LAMA2: variants seen among roughly 807,000 people sequenced by gnomAD.
LAMA2 encodes laminin subunit alpha 2, also known as laminin subunit alpha-2.
In LAMA2, 269 loss-of-function variants were observed where a neutral mutation model predicts 364.8. The ratio of observed to expected loss-of-function variants is 0.74; its 90% CI spans 0.67 to 0.82. LAMA2 has a LOEUF of 0.82. Ranked by LOEUF, LAMA2 falls within the 40% of genes least tolerant of loss-of-function variation. The probability of loss-of-function intolerance (pLI) is 0.00; values close to 1 mark genes in which losing one functional copy is unlikely to be tolerated. For synonymous variants in LAMA2, 1,379 were observed against 1,370.6 expected (o/e 1.01, Z -0.14); for missense variants, 3,807 against 3,873.2 (o/e 0.98, Z 0.45).
chr6:129,316,259 G>T (rs767110285), intron 27 of LAMA2, 88 bp downstream of exon 27: 8 of 1,096,180 alleles, frequency 7.3e-6, no homozygotes, highest in Non-Finnish European at 1.1e-5. Context: ...AGAAAGATTG[G>T]AAAGTGATTG....
At chr6:129,387,846 G>A (rs1779101427) in intron 35 of LAMA2, among the ~76,000 whole-genome samples, 1 of 152,212 alleles carries the variant, frequency 6.6e-6, no homozygotes, top group Non-Finnish European at 1.5e-5. Context: ...AGTGGGAGTT[G>A]AACAGTGAGA....
intron 12 of LAMA2, among the ~76,000 whole-genome samples, chr6:129,212,936 C>A (rs147586897): frequency 5.9e-5 from 9 of 152,280 alleles, no homozygotes; most frequent in African/African-American, 1.9e-4. Flanking sequence ...CTAGAGGTGG[C>A]TGTCTTTCTG....
intron 43 of LAMA2, chr6:129,442,200 C>G (rs770315686): frequency 7.6e-7 from 1 of 1,320,484 alleles, no homozygotes; most frequent in African/African-American, 1.5e-5. Flanking sequence ...GGAATGGAGC[C>G]TGATTTCAGC....
chr6:128,939,484 T>G (rs1562851691), intron 1 of LAMA2, among the ~76,000 whole-genome samples: 2 of 152,192 alleles, frequency 1.3e-5, no homozygotes, highest in African/African-American at 2.4e-5. Context: ...TTACTTTCTT[T>G]TTGCTTAACA....
chr6:128,916,711 G>A (rs532795717), intron 1 of LAMA2, among the ~76,000 whole-genome samples: 122 of 152,334 alleles, frequency 8.0e-4, no homozygotes, highest in African/African-American at 2.7e-3. Flanking sequence ...ACTCTGAGAA[G>A]CATTTGATGT....
intron 28 of LAMA2, among the ~76,000 whole-genome samples, chr6:129,321,552 G>C (rs1774968608): frequency 2.0e-5 from 3 of 152,140 alleles, no homozygotes; most frequent in Admixed American, 2.0e-4. Context: ...GGTGCTCACA[G>C]CATACCAGTT....
At chr6:129,487,487 G>T (rs1784650717) in intron 56 of LAMA2, among the ~76,000 whole-genome samples, 1 of 152,126 alleles carries the variant, frequency 6.6e-6, no homozygotes, top group Non-Finnish European at 1.5e-5. Context: ...TGAAGACATA[G>T]AAAAGAACTG....
intron 1 of LAMA2, among the ~76,000 whole-genome samples, chr6:129,022,667 CT>C (rs1213703244): frequency 2.6e-5 from 4 of 152,082 alleles, no homozygotes; most frequent in Non-Finnish European, 5.9e-5. Context: ...ACTTCAAAAG[CT>C]TTTTCTAACA....
intron 8 of LAMA2, among the ~76,000 whole-genome samples, chr6:129,162,134 C>T (rs1176460810): frequency 1.3e-5 from 2 of 152,176 alleles, no homozygotes. Flanking sequence ...TATAAGTGTT[C>T]CCTTTCTCTG....
intron 4 of LAMA2, among the ~76,000 whole-genome samples, chr6:129,127,836 G>T (rs1388730540): frequency 2.0e-5 from 3 of 151,060 alleles, no homozygotes; most frequent in Admixed American, 2.0e-4. Flanking sequence ...CAGCTTCCTT[G>T]CTCATTTTTA....
At chr6:129,036,308 A>G (rs1786638185) in intron 1 of LAMA2, among the ~76,000 whole-genome samples, 1 of 152,192 alleles carries the variant, frequency 6.6e-6, no homozygotes, top group African/African-American at 2.4e-5. Flanking sequence ...GTGTAATCCT[A>G]TCTTAATTAG....
chr6:129,197,751 T>C (rs1199994123), intron 12 of LAMA2, among the ~76,000 whole-genome samples: 1 of 152,066 alleles, frequency 6.6e-6, no homozygotes, highest in East Asian at 1.9e-4. Flanking sequence ...AAAATAAGTA[T>C]TAAAAAACAA....
intron 45 of LAMA2, among the ~76,000 whole-genome samples, chr6:129,447,200 A>C (rs780813713): frequency 3.9e-5 from 6 of 152,238 alleles, no homozygotes; most frequent in Non-Finnish European, 7.3e-5. Context: ...AGTAGGGAAA[A>C]TAAAATATGT....
intron 1 of LAMA2, among the ~76,000 whole-genome samples, chr6:129,015,186 T>C (rs1302414020): frequency 1.3e-5 from 2 of 152,082 alleles, no homozygotes; most frequent in Non-Finnish European, 2.9e-5. Context: ...TCATAATTAA[T>C]TATATCGAAT....
chr6:129,378,037 A>T (rs933158551), intron 34 of LAMA2, among the ~76,000 whole-genome samples: 8 of 152,210 alleles, frequency 5.3e-5, no homozygotes, highest in Non-Finnish European at 1.2e-4. Flanking sequence ...GGCAAGAGAG[A>T]TACAAGATAC....
At chr6:128,902,693 T>C (rs1230953928) in intron 1 of LAMA2, among the ~76,000 whole-genome samples, 1 of 152,108 alleles carries the variant, frequency 6.6e-6, no homozygotes, top group African/African-American at 2.4e-5. Flanking sequence ...TTGTTGTTGT[T>C]TTTAGAGACA....
rs1428836780 is a variant in LAMA2, at chr6:129,255,295, A to G, written c.2096+3000A>G. Among the ~76,000 whole-genome samples, 4 of 150,316 alleles carry G rather than the reference A, an allele frequency of 2.7e-5. No homozygotes were observed. The South Asian group carries it at 8.5e-4, about 32-fold the overall frequency. ...GTGGCACGTGTCAGTAATCCCAGCTACTCAGGAGGCTGAGGCAGTAGAATC... is the reference window on the plus strand; with the variant it reads ...GTGGCACGTGTCAGTAATCCCAGCTGCTCAGGAGGCTGAGGCAGTAGAATC... On this transcript the variant is annotated intron_variant, in intron 14 of 64. Transcript: ENST00000421865.
chr6:129,237,322 A>G (rs572508694), intron 12 of LAMA2, among the ~76,000 whole-genome samples: 3 of 115,780 alleles, frequency 2.6e-5, no homozygotes, highest in East Asian at 4.2e-4. Flanking sequence ...GTTGTTATAC[A>G]TTGTTTTTCT....
chr6:129,149,005 C>T lies in LAMA2; in HGVS notation c.936C>T (p.Asn312=), dbSNP rs781662483. ...TNKSRCECEH[N]TCGDSCDQCC... ...AATCTCGCTGTGAGTGTGAGCATAA[C>T]ACATGTGGCGATAGCTGTGATCAGT... is the stretch of plus-strand genomic sequence containing the variant. Residue 312 remains asparagine, a synonymous_variant, in exon 7 of 65, where the codon AAC becomes AAT. Transcript: ENST00000421865. The T allele has an allele frequency of 1.9e-6, 3 of 1,613,172 alleles. No individual in the cohort carries two copies. The highest frequency in any genetic ancestry group is 2.5e-6 in the Non-Finnish European group (3 of 1,179,304).
Sources: allele counts gnomAD v4.1 joint callset (sites outside exome capture counted in the v4.1 genomes callset), GRCh38; gene constraint gnomAD v4.1.1; transcripts MANE v1.5; gene names NCBI Gene and HGNC (gene_info 2026-07-23, HGNC 2026-07-21).